IBTK: variants seen among roughly 807,000 people sequenced by gnomAD.
The protein encoded by IBTK is BTK-binding protein.
Under a neutral mutation model 154.9 loss-of-function variants are expected in IBTK, and 83 were observed. The ratio of observed to expected loss-of-function variants is 0.54; its 90% CI spans 0.45 to 0.64. IBTK has a LOEUF of 0.64. IBTK is among the 30% of genes least tolerant of loss of function. The pLI, the probability that IBTK is intolerant of heterozygous loss-of-function variation, is 0.00. For missense variants in IBTK, 1,332 were observed against 1,584.6 expected (o/e 0.84, Z 2.71); for synonymous variants, 515 against 536.1 (o/e 0.96, Z 0.54).
intron 4 of IBTK, among the ~76,000 whole-genome samples, chr6:82,227,882 T>C (rs1226977279): frequency 6.6e-6 from 1 of 151,894 alleles, no homozygotes; most frequent in East Asian, 1.9e-4. Context: ...CAAGTTTTTC[T>C]CTCCTTTCCC....
intron 25 of IBTK, among the ~76,000 whole-genome samples, chr6:82,186,363 C>T (rs1178864628): frequency 6.6e-6 from 1 of 152,134 alleles, no homozygotes; most frequent in Non-Finnish European, 1.5e-5. Flanking sequence ...AGTCAGCAGT[C>T]ATCAACATCA....
intron 16 of IBTK, 48 bp from the exon 17 acceptor site, chr6:82,205,006 T>A (rs377023030): frequency 2.0e-4 from 248 of 1,221,060 alleles, no homozygotes; most frequent in Non-Finnish European, 1.8e-4. Context: ...GTATACATTA[T>A]ACCTAGAAAA....
intron 17 of IBTK, among the ~76,000 whole-genome samples, chr6:82,203,893 T>C (rs1459070885): frequency 6.6e-6 from 1 of 152,150 alleles, no homozygotes; most frequent in Non-Finnish European, 1.5e-5. Flanking sequence ...CAGTCTACAG[T>C]GCTCAAGAAA....
In IBTK at chr6:82,170,680, G is replaced by C. The variant is rs964257582; in HGVS notation, c.*745C>G. 1.3e-5 allele frequency: 2 copies of C among 152,050 alleles called. No individual in the cohort carries two copies. The highest frequency in any genetic ancestry group is 4.8e-5 in the African/African-American group (2 of 41,412). 9.4% of individuals were successfully genotyped at this position (152,050 alleles called of 1,614,324 possible). ...TCAGCAATTGATTCTCTCACAATTA[G>C]GCATTTTTAAGATCCTCCATCCCAC... is the stretch of plus-strand genomic sequence containing the variant. On this transcript the variant is annotated 3_prime_UTR_variant, in exon 29 of 29. Coordinates refer to ENST00000306270, the MANE Select transcript of IBTK (RefSeq NM_015525.4).
chr6:82,241,704 T>C (rs1053108157), intron 1 of IBTK, among the ~76,000 whole-genome samples: 1 of 152,194 alleles, frequency 6.6e-6, no homozygotes, highest in Non-Finnish European at 1.5e-5. Flanking sequence ...ATTAATTCAA[T>C]AGTTTAAAAA....
In IBTK at chr6:82,214,663, G is replaced by GA. The variant is rs1769799273; in HGVS notation, c.1767dup (p.Gln590SerfsTer9). 3 of 1,613,852 alleles carry GA rather than the reference G, an allele frequency of 1.9e-6. No homozygotes were observed. The highest frequency in any genetic ancestry group is 1.7e-5 in the Admixed American group (1 of 59,974). On this transcript the variant is annotated frameshift_variant, in exon 12 of 29. Coordinates refer to ENST00000306270, the MANE Select transcript of IBTK (RefSeq NM_015525.4). LOFTEE classifies it high-confidence loss of function. ...TTACCATCTGAAAGAAACAATTTCT[G>GA]AAAAAAATCAGAATGCACTGCCAAA...
intron 13 of IBTK, among the ~76,000 whole-genome samples, chr6:82,211,999 C>CT (rs1279627581): frequency 2.6e-5 from 4 of 151,558 alleles, no homozygotes; most frequent in Admixed American, 1.3e-4. Flanking sequence ...AAAAACAAAA[C>CT]TTTTTTTTTC....
chr6:82,178,445 T>C (rs535536199), intron 26 of IBTK, among the ~76,000 whole-genome samples: 2 of 152,302 alleles, frequency 1.3e-5, no homozygotes, highest in East Asian at 3.9e-4. Context: ...TTTAAATTGA[T>C]ATATCTAAGA....
At position 82,230,208 on chromosome 6, in the gene IBTK, G is replaced by C. The variant is rs111651692; in HGVS notation, c.543+1510C>G. 3.0e-3 allele frequency among the ~76,000 whole-genome samples: 461 copies of C among 152,224 alleles called. 4 individuals are homozygous for C. The highest frequency in any genetic ancestry group is 0.01 in the African/African-American group (426 of 41,542). ...ATATATAAATAATAGGTGAAAGTTG[G>C]AAAGAGCCAGTACTATAGTGATAAA... On this transcript the variant is annotated intron_variant, in intron 4 of 28. Coordinates refer to ENST00000306270, the MANE Select transcript of IBTK (RefSeq NM_015525.4).
intron 18 of IBTK, among the ~76,000 whole-genome samples, chr6:82,202,173 A>C (rs1210208283): frequency 6.6e-6 from 1 of 152,216 alleles, no homozygotes; most frequent in Non-Finnish European, 1.5e-5. Flanking sequence ...AAAATATAAA[A>C]ATAAACTAAA....
chr6:82,237,349 A>T (rs1770753861), intron 2 of IBTK, among the ~76,000 whole-genome samples: 1 of 152,050 alleles, frequency 6.6e-6, no homozygotes, highest in Non-Finnish European at 1.5e-5. Context: ...AATGACAATA[A>T]GGGAATTAAA....
At chr6:82,187,314 G>C (rs1041428308) in intron 25 of IBTK, among the ~76,000 whole-genome samples, 1 of 151,978 alleles carries the variant, frequency 6.6e-6, no homozygotes, top group Non-Finnish European at 1.5e-5. Context: ...TCCTTAATAT[G>C]CCATAATAGA....
intron 26 of IBTK, among the ~76,000 whole-genome samples, chr6:82,179,061 G>A (rs964823159): frequency 2.0e-5 from 3 of 152,168 alleles, no homozygotes; most frequent in Admixed American, 6.5e-5. Flanking sequence ...GTAAAGAAAG[G>A]CAAGACCAGT....
At position 82,220,510 on chromosome 6, in the gene IBTK, C is replaced by T. The variant is rs186990845; in HGVS notation, c.1248+80G>A. 1,185 of 1,355,044 alleles carry T rather than the reference C, an allele frequency of 8.7e-4. 4 individuals are homozygous for T. The highest frequency in any genetic ancestry group is 7.7e-3 in the Middle Eastern group (41 of 5,346). The allele number at this position is 1,355,044 out of a possible 1,614,324, so 83.9% of individuals were successfully genotyped here. A position where few individuals can be genotyped will look rare whatever the true frequency, so the allele number is the denominator to read the frequency against. Reference sequence around the variant, plus strand: ...TCAATAGGAATTGTCACTAACATAGCAATACATTTTCATGTTACCAGGTCT... The same window carrying T: ...TCAATAGGAATTGTCACTAACATAGTAATACATTTTCATGTTACCAGGTCT... On this transcript the variant is annotated intron_variant, in intron 9 of 28. Coordinates refer to ENST00000306270, the MANE Select transcript of IBTK (RefSeq NM_015525.4).
chr6:82,208,727 GA>G (rs1012676056), intron 16 of IBTK, among the ~76,000 whole-genome samples: 6 of 151,904 alleles, frequency 3.9e-5, no homozygotes, highest in Non-Finnish European at 5.9e-5. Context: ...TTGCCCAATG[GA>G]ATAAGACCCT....
chr6:82,212,601 T>C, intron 13 of IBTK, 106 bp downstream of exon 13: 1 of 718,218 alleles, frequency 1.4e-6, no homozygotes, highest in Non-Finnish European at 2.5e-6. Context: ...GGTAAGAGGG[T>C]ATCTACCTAT....
At chr6:82,241,837 A>G (rs2127830293) in intron 1 of IBTK, among the ~76,000 whole-genome samples, 1 of 152,344 alleles carries the variant, frequency 6.6e-6, no homozygotes, top group East Asian at 1.9e-4. Flanking sequence ...GACTATTTAG[A>G]AGGACATACT....
chr6:82,172,357 AC>A, intron 28 of IBTK, 22 bp downstream of exon 28: 1 of 1,597,920 alleles, frequency 6.3e-7, no homozygotes, highest in Non-Finnish European at 8.5e-7. Context: ...TCTAAATTAA[AC>A]CCTACTAAGT....
intron 3 of IBTK, among the ~76,000 whole-genome samples, chr6:82,233,430 G>A (rs934570106): frequency 6.6e-6 from 1 of 152,060 alleles, no homozygotes. Context: ...CAATGCTGAT[G>A]TTACTTTCTG....
Sources: allele counts gnomAD v4.1 joint callset (sites outside exome capture counted in the v4.1 genomes callset), GRCh38; gene constraint gnomAD v4.1.1; transcripts MANE v1.5; gene names NCBI Gene and HGNC (gene_info 2026-07-23, HGNC 2026-07-21).